Variants in IPO8 observed in about 807,000 individuals in gnomAD.
IPO8 encodes importin 8.
In IPO8, 65 loss-of-function variants were observed where a neutral mutation model predicts 141.2. That is an observed-to-expected ratio of 0.46 (90% CI 0.38 to 0.57). The LOEUF (loss-of-function observed/expected upper bound fraction) is 0.57. Among genes scored for constraint, IPO8 ranks in the 20% least tolerant of loss-of-function variants. The probability of loss-of-function intolerance (pLI) is 0.00; values close to 1 mark genes in which losing one functional copy is unlikely to be tolerated. For missense variants in IPO8, 980 were observed against 1,246.8 expected, an observed-to-expected ratio of 0.79 and a Z score of 3.22; for synonymous variants, 411 against 420.3, an observed-to-expected ratio of 0.98 and a Z score of 0.27.
chr12:30,679,567 CA>C (rs1417802972), intron 5 of IPO8, among the ~76,000 whole-genome samples: 1 of 128,596 alleles, frequency 7.8e-6, no homozygotes, highest in Non-Finnish European at 1.7e-5. Flanking sequence ...TCTTTCCCTG[CA>C]AAAAGGCTGC....
At chr12:30,684,594 C>T in intron 2 of IPO8, 137 bp from the exon 3 acceptor site, 1 of 695,370 alleles carries the variant, frequency 1.4e-6, no homozygotes, top group Non-Finnish European at 2.4e-6. Context: ...CAGGTATAAA[C>T]AGCCAAATCA....
chr12:30,634,359 CAA>C (rs201717098), intron 22 of IPO8, 73 bp from the exon 23 acceptor site: 12,587 of 1,257,050 alleles, frequency 0.01, 104 homozygotes, highest in South Asian at 0.012. Flanking sequence ...CGACAAAAAC[CAA>C]AGACTATAAA....
chr12:30,653,518 C>T (rs2052756527), intron 17 of IPO8, among the ~76,000 whole-genome samples: 1 of 151,994 alleles, frequency 6.6e-6, no homozygotes, highest in Non-Finnish European at 1.5e-5. Context: ...ATCTACCTAT[C>T]TCAAATTTAT....
intron 1 of IPO8, among the ~76,000 whole-genome samples, chr12:30,691,274 T>C (rs1227540543): frequency 6.6e-6 from 1 of 152,168 alleles, no homozygotes; most frequent in Non-Finnish European, 1.5e-5. Context: ...GAGAAGCCAG[T>C]CCAGATTGGA....
Position 30,661,153 on chromosome 12 carries a change from T to G in IPO8, c.1869A>C (p.Glu623Asp), listed in dbSNP as rs768188431. The change falls in exon 16 of 25, where the codon GAA becomes GAC. Residue 623 changes from glutamate (E) to aspartate (D), a missense_variant. Physicochemically the swap from Glu to Asp is conservative, Grantham distance 45. Coordinates refer to ENST00000256079, the MANE Select transcript of IPO8 (RefSeq NM_006390.4). Reference protein sequence around the residue: ...HTIDTILTVVEDHKEITQQLE... With the variant: ...HTIDTILTVVDDHKEITQQLE... ...AAAGAAATCTCACCTCTTTATGATC[T>G]TCTACAACTGTTAAGATAGTATCAA... 6.4e-7 allele frequency: 1 copy of G among 1,555,380 alleles called. No homozygotes were observed. Among genetic ancestry groups the G allele is most frequent in the Non-Finnish European group, 8.7e-7 (1 of 1,151,726 alleles).
At chr12:30,694,886 G>A in intron 1 of IPO8, 1 of 425,202 alleles carries the variant, frequency 2.4e-6, no homozygotes, top group Non-Finnish European at 4.8e-6. Flanking sequence ...CTGGAAAGAC[G>A]TCAAGGCTAA....
intron 14 of IPO8, 191 bp from the exon 15 acceptor site, chr12:30,662,678 T>C (rs956985956): frequency 2.5e-5 from 15 of 610,104 alleles, no homozygotes; most frequent in African/African-American, 2.2e-4. Flanking sequence ...CCAAGAGTAA[T>C]ATAAGGATAA....
intron 7 of IPO8, 27 bp downstream of exon 7, chr12:30,674,632 T>C (rs1163536545): frequency 2.0e-6 from 3 of 1,467,732 alleles, no homozygotes; most frequent in Non-Finnish European, 2.9e-6. Context: ...GGCTGTATGA[T>C]CATCAATGTA....
chr12:30,666,142 T>C (rs1565503043), intron 11 of IPO8, 33 bp downstream of exon 11: 1 of 1,342,738 alleles, frequency 7.4e-7, no homozygotes, highest in East Asian at 2.3e-5. Context: ...AGGCCACCTT[T>C]CAGTTTTGGA....
chr12:30,650,609 T>C (rs1308666360), intron 19 of IPO8, among the ~76,000 whole-genome samples: 1 of 152,050 alleles, frequency 6.6e-6, no homozygotes, highest in African/African-American at 2.4e-5. Context: ...TCTTTTACTG[T>C]CCCCATCTAT....
intron 16 of IPO8, among the ~76,000 whole-genome samples, chr12:30,658,879 T>TTTC (rs1177279196): frequency 2.3e-5 from 3 of 131,084 alleles, no homozygotes; most frequent in African/African-American, 1.0e-4. Flanking sequence ...ATCAAGCCTT[T>TTTC]TTTTTTTTTT....
At chr12:30,634,458 A>G (rs969289276) in intron 22 of IPO8, among the ~76,000 whole-genome samples, 172 bp from the exon 23 acceptor site, 1 of 152,138 alleles carries the variant, frequency 6.6e-6, no homozygotes, top group Non-Finnish European at 1.5e-5. Context: ...GTCAAAAAAT[A>G]AAAATAAAAA....
chr12:30,670,239 C>CTA (rs1819576873), intron 9 of IPO8, among the ~76,000 whole-genome samples: 1 of 152,110 alleles, frequency 6.6e-6, no homozygotes, highest in Admixed American at 6.5e-5. Flanking sequence ...GGTAATAACA[C>CTA]TAAAATTCTA....
At chr12:30,631,696 T>G in intron 24 of IPO8, 199 bp downstream of exon 24, 1 of 484,524 alleles carries the variant, frequency 2.1e-6, no homozygotes, top group Non-Finnish European at 3.7e-6. Flanking sequence ...AAATACATAT[T>G]AATGTGCAGG....
intron 19 of IPO8, among the ~76,000 whole-genome samples, chr12:30,650,923 G>C (rs1033864218): frequency 6.6e-6 from 1 of 151,856 alleles, no homozygotes; most frequent in Non-Finnish European, 1.5e-5. Flanking sequence ...CTGTCATAAA[G>C]GTTAATATTA....
At chr12:30,658,116 A>C (rs1471082868) in intron 16 of IPO8, among the ~76,000 whole-genome samples, 1 of 152,232 alleles carries the variant, frequency 6.6e-6, no homozygotes, top group Non-Finnish European at 1.5e-5. Flanking sequence ...ATATTCTAAT[A>C]TTCAACTTAA....
At chr12:30,645,478 T>C (rs189786058) in intron 20 of IPO8, among the ~76,000 whole-genome samples, 11 of 150,274 alleles carry the variant, frequency 7.3e-5, no homozygotes, top group East Asian at 5.9e-4. Context: ...CTTTAAAACA[T>C]TGGAAAAAGA....
chr12:30,639,628 G>A lies in IPO8; in HGVS notation c.2376C>T (p.Tyr792=), dbSNP rs371183250. 3.7e-6 allele frequency: 6 copies of A among 1,613,916 alleles called. No homozygotes were observed. In the African/African-American group the frequency reaches 6.7e-5, roughly 18 times the overall value. ...AAGTATGTAGCAGCAAATCAGGGTT[G>A]TAGTACAAGGCAGCAATTGCAACCT... ...CLQVAIAALY[Y]NPDLLLHTLE... is the part of the protein sequence containing the mutation. The change falls in exon 21 of 25, where the codon TAC becomes TAT. Residue 792 remains tyrosine, a synonymous_variant. Transcript: ENST00000256079.
chr12:30,661,325 C>T (rs10771753), intron 15 of IPO8, 59 bp from the exon 16 acceptor site: 737,907 of 1,431,062 alleles, frequency 0.52, 193,040 homozygotes, highest in African/African-American at 0.67. Context: ...CCCCGCTTTA[C>T]AAAAGTTAGC....
Sources: allele counts gnomAD v4.1 joint callset (sites outside exome capture counted in the v4.1 genomes callset), GRCh38; gene constraint gnomAD v4.1.1; transcripts MANE v1.5; gene names NCBI Gene and HGNC (gene_info 2026-07-23, HGNC 2026-07-21).